Variants in AASS observed in about 807,000 individuals in gnomAD.
The protein encoded by AASS is aminoadipate-semialdehyde synthase.
In AASS, 86 loss-of-function variants were observed where a neutral mutation model predicts 105.4. That is an observed-to-expected ratio of 0.82 (90% confidence interval 0.69 to 0.98). AASS has a LOEUF of 0.98. AASS is among the 50% of genes least tolerant of loss of function. AASS has a pLI of 0.00. For missense variants in AASS, 1,048 were observed against 1,143.2 expected (o/e 0.92, Z 1.20); for synonymous variants, 381 against 394.8 (o/e 0.96, Z 0.41).
At chr7:122,079,783 C>A in intron 20 of AASS, 71 bp from the exon 21 acceptor site, 1 of 962,890 alleles carries the variant, frequency 1.0e-6, no homozygotes, top group South Asian at 1.4e-5. Flanking sequence ...GAAAAATTAT[C>A]CTACTAAAAC....
Position 122,074,163 on chromosome 7 carries a change from A to G in AASS, c.*2326T>C, listed in dbSNP as rs1792894533. Among the ~76,000 whole-genome samples, 1 of 152,198 alleles carries G rather than the reference A, an allele frequency of 6.6e-6. No individual in the cohort carries two copies. The highest frequency in any genetic ancestry group is 6.5e-5 in the Admixed American group (1 of 15,280). On this transcript the variant is annotated 3_prime_UTR_variant, in exon 24 of 24. Coordinates refer to ENST00000417368, the MANE Select transcript of AASS (RefSeq NM_005763.4). ...CTTGATATTATCACTTTGATTATAT[A>G]TCTATTCCAGTGAGTGTTAAGTGAT...
chr7:122,098,093 A>T (rs1794252178), intron 15 of AASS, among the ~76,000 whole-genome samples: 1 of 152,038 alleles, frequency 6.6e-6, no homozygotes, highest in Non-Finnish European at 1.5e-5. Flanking sequence ...ACAAATGAGG[A>T]TATATTGAAT....
intron 8 of AASS, among the ~76,000 whole-genome samples, chr7:122,115,999 T>C (rs768300759): frequency 1.3e-4 from 20 of 152,210 alleles, no homozygotes; most frequent in Non-Finnish European, 1.9e-4. Flanking sequence ...TTTTTCACAA[T>C]AAATGCATGC....
At chr7:122,093,572 G>A (rs1442938069) in intron 15 of AASS, among the ~76,000 whole-genome samples, 1 of 152,148 alleles carries the variant, frequency 6.6e-6, no homozygotes, top group African/African-American at 2.4e-5. Flanking sequence ...AACTTTGGGA[G>A]GCCAAAGACA....
In AASS at chr7:122,076,819, C is replaced by T. The variant is rs535827167; in HGVS notation, c.2663-212G>A. 3.9e-5 allele frequency among the ~76,000 whole-genome samples: 6 copies of T among 152,328 alleles called. No individual in the cohort carries two copies. In the East Asian group the frequency reaches 1.2e-3, roughly 29 times the overall value. On this transcript the variant is annotated intron_variant, in intron 23 of 23. Coordinates refer to ENST00000417368, the MANE Select transcript of AASS (RefSeq NM_005763.4). ...AGGAGTTGATTTTAGATTGAAAGCA[C>T]AGCCGGACCTAGGGATATTGTCAGA... is the stretch of plus-strand genomic sequence containing the variant.
intron 6 of AASS, 22 bp from the exon 7 acceptor site, chr7:122,116,979 A>C: frequency 6.2e-7 from 1 of 1,600,030 alleles, no homozygotes; most frequent in Non-Finnish European, 8.6e-7. Context: ...ACATGAGTAA[A>C]AATCCAAAAA....
intron 4 of AASS, among the ~76,000 whole-genome samples, chr7:122,120,776 T>C (rs1177824903): frequency 6.6e-6 from 1 of 152,046 alleles, no homozygotes; most frequent in Non-Finnish European, 1.5e-5. Context: ...TAAAAATATC[T>C]TCTAATTTTC....
intron 18 of AASS, among the ~76,000 whole-genome samples, chr7:122,091,302 A>G (rs1033874100): frequency 6.6e-6 from 1 of 152,122 alleles, no homozygotes; most frequent in Non-Finnish European, 1.5e-5. Context: ...CCCCATCCCC[A>G]GTCCAGCTGT....
Position 122,093,221 on chromosome 7 carries a change from G to C in AASS, c.1656-63C>G, listed in dbSNP as rs532256513. The C allele has an allele frequency of 1.3e-4, 163 of 1,210,394 alleles. No individual in the cohort carries two copies. The African/African-American group carries it at 1.7e-3, about 12-fold the overall frequency. The allele number at this position is 1,210,394 out of a possible 1,614,324, so 75.0% of individuals were successfully genotyped here. ...TTCAACTCTACTTTCTAAGGTACTT[G>C]AACTGTATTAAAGCTGCATCTTAAG... is the stretch of plus-strand genomic sequence containing the variant. On this transcript the variant is annotated intron_variant, in intron 15 of 23. Transcript: ENST00000417368.
intron 4 of AASS, among the ~76,000 whole-genome samples, chr7:122,119,215 C>T (rs570465577): frequency 7.9e-5 from 12 of 152,224 alleles, no homozygotes; most frequent in South Asian, 6.2e-4. Flanking sequence ...TTTAATCCTA[C>T]GTTTCTGTAG....
At chr7:122,140,893 AT>A (rs899361690) in intron 1 of AASS, among the ~76,000 whole-genome samples, 9 of 151,828 alleles carry the variant, frequency 5.9e-5, no homozygotes, top group African/African-American at 7.3e-5. Flanking sequence ...AAAAAAAAAA[AT>A]ACAAGTATAT....
chr7:122,130,517 A>ATGT (rs1584895157), intron 2 of AASS, among the ~76,000 whole-genome samples: 2 of 151,992 alleles, frequency 1.3e-5, no homozygotes, highest in East Asian at 3.9e-4. Flanking sequence ...AATTTCATAC[A>ATGT]ACTCTCATGA....
At position 122,115,136 on chromosome 7, in the gene AASS, ACT is replaced by A. The variant is rs1375573107; in HGVS notation, c.979_980del (p.Leu328ProfsTer26). 6.2e-7 allele frequency: 1 copy of A among 1,613,804 alleles called. No homozygotes were observed. Among genetic ancestry groups the A allele is most frequent in the Admixed American group, 1.7e-5 (1 of 59,966 alleles). On this transcript the variant is annotated frameshift_variant, in exon 9 of 24. Coordinates refer to ENST00000417368, the MANE Select transcript of AASS (RefSeq NM_005763.4). LOFTEE classifies it high-confidence loss of function. Reference sequence around the variant, plus strand: ...GTGAGAACTTGCCCGGAGCCAGGAGACTCTGAGCATCTTGGCGGGTTAGGAGG... The same window carrying A: ...GTGAGAACTTGCCCGGAGCCAGGAGACTGAGCATCTTGGCGGGTTAGGAGG... ...PRLLTRQDAQ[S>X]LLAPGKFSPA...
intron 3 of AASS, 54 bp downstream of exon 3, chr7:122,129,307 G>C: frequency 8.1e-7 from 1 of 1,240,808 alleles, no homozygotes; most frequent in Non-Finnish European, 1.1e-6. Context: ...GGGGTTAAAA[G>C]TAAAAAATAT....
chr7:122,105,841 A>T (rs1794642163), intron 11 of AASS, among the ~76,000 whole-genome samples: 1 of 152,060 alleles, frequency 6.6e-6, no homozygotes, highest in South Asian at 2.1e-4. Flanking sequence ...GAACAAACTG[A>T]ACCCAAAATT....
chr7:122,117,032 T>A, intron 6 of AASS, 75 bp from the exon 7 acceptor site: 1 of 1,346,512 alleles, frequency 7.4e-7, no homozygotes, highest in Admixed American at 1.7e-5. Flanking sequence ...AAAGATCTGA[T>A]CATTTTCCCA....
rs1207648458 is a variant in AASS, at chr7:122,101,688, G to T, written c.1279-8C>A. 6.2e-7 allele frequency: 1 copy of T among 1,608,148 alleles called. No individual in the cohort carries two copies. On this transcript the variant is annotated splice_polypyrimidine_tract_variant and splice_region_variant and intron_variant, in intron 11 of 23. Coordinates refer to ENST00000417368, the MANE Select transcript of AASS (RefSeq NM_005763.4). ...TGTCGCGTCTGATAATATCTGAAAG[G>T]AAAATGAGATTTGTAAGAGATAAAT...
Position 122,114,141 on chromosome 7 carries a change from C to T in AASS, c.1044-421G>A, listed in dbSNP as rs117775186. Among the ~76,000 whole-genome samples the T allele has an allele frequency of 6.5e-3, 988 of 152,256 alleles. 6 individuals carry two copies. The highest frequency in any genetic ancestry group is 0.01 in the South Asian group (50 of 4,824). ...TAGAATTACGAACAAAAGTTTCAGTCCAGCATTCAAAAAGTTGACTACAAT... is the reference window on the plus strand; with the variant it reads ...TAGAATTACGAACAAAAGTTTCAGTTCAGCATTCAAAAAGTTGACTACAAT... On this transcript the variant is annotated intron_variant, in intron 9 of 23. Transcript: ENST00000417368.
At chr7:122,082,939 A>G (rs1364341402) in intron 19 of AASS, 1 of 1,105,988 alleles carries the variant, frequency 9.0e-7, no homozygotes, top group Non-Finnish European at 1.2e-6. Context: ...ATAATAGATG[A>G]AGTGAAGAAA....
Sources: allele counts gnomAD v4.1 joint callset (sites outside exome capture counted in the v4.1 genomes callset), GRCh38; gene constraint gnomAD v4.1.1; transcripts MANE v1.5; gene names NCBI Gene and HGNC (gene_info 2026-07-23, HGNC 2026-07-21).